The following BACH2 variants were observed in gnomAD, a reference collection of about 807,000 sequenced individuals.
BACH2 encodes the protein transcription regulator protein BACH2.
BACH2 carries 5 observed loss-of-function variants against 61.8 expected under a neutral mutation model. The ratio of observed to expected loss-of-function variants is 0.08; its 90% confidence interval spans 0.04 to 0.17. The LOEUF (loss-of-function observed/expected upper bound fraction) is 0.17, where lower values mean the gene tolerates loss of function less well. Among genes scored for constraint, BACH2 ranks in the 10% least tolerant of loss-of-function variants. The probability of loss-of-function intolerance (pLI) is 1.00; values close to 1 mark genes in which losing one functional copy is unlikely to be tolerated. For missense variants in BACH2, 824 were observed against 1,091.1 expected (o/e 0.76, Z 3.45); for synonymous variants, 446 against 440.1 (o/e 1.01, Z -0.17).
intron 5 of BACH2, among the ~76,000 whole-genome samples, chr6:90,030,136 G>C (rs1451079651): frequency 6.6e-6 from 1 of 152,168 alleles, no homozygotes; most frequent in Non-Finnish European, 1.5e-5. Flanking sequence ...GTGTGCTCTT[G>C]CTTCTAAGAG....
chr6:90,152,496 C>T (rs1784859910), intron 4 of BACH2, among the ~76,000 whole-genome samples: 1 of 152,134 alleles, frequency 6.6e-6, no homozygotes, highest in Non-Finnish European at 1.5e-5. Flanking sequence ...TGGGTAAATT[C>T]CACAGGATGA....
At chr6:90,064,708 A>C (rs1202091866) in intron 5 of BACH2, among the ~76,000 whole-genome samples, 1 of 152,202 alleles carries the variant, frequency 6.6e-6, no homozygotes, top group Non-Finnish European at 1.5e-5. Context: ...TAAACGCTAA[A>C]GATCCTTAAT....
chr6:90,039,531 C>T (rs947635052), intron 5 of BACH2, among the ~76,000 whole-genome samples: 2 of 152,084 alleles, frequency 1.3e-5, no homozygotes, highest in African/African-American at 2.4e-5. Flanking sequence ...ACCACAGGTG[C>T]GTGCTACCAC....
In BACH2 at chr6:90,125,476, C is replaced by A. The variant is rs556230492; in HGVS notation, c.-161-36367G>T. ...TGCCGTCAGGAATGGGGTGAGCTAA[C>A]CACCCTCCCAGGTAGGCAAGAGAAA... On this transcript the variant is annotated intron_variant, in intron 4 of 8. Transcript: ENST00000257749. Among the ~76,000 whole-genome samples the A allele has an allele frequency of 2.0e-5, 3 of 152,304 alleles. 1 individual carries two copies. Among genetic ancestry groups the A allele is most frequent in the Admixed American group, 2.0e-4 (3 of 15,296 alleles).
At chr6:89,933,282 C>T (rs1445008699) in intron 8 of BACH2, among the ~76,000 whole-genome samples, 2 of 152,088 alleles carry the variant, frequency 1.3e-5, no homozygotes, top group African/African-American at 2.4e-5. Flanking sequence ...TATCAGGTTG[C>T]CATTTTTGAA....
chr6:90,053,890 G>A (rs1339039256), intron 5 of BACH2, among the ~76,000 whole-genome samples: 1 of 152,124 alleles, frequency 6.6e-6, no homozygotes, highest in Non-Finnish European at 1.5e-5. Context: ...GGTATAAAAA[G>A]TTGTGAAGGC....
intron 5 of BACH2, among the ~76,000 whole-genome samples, chr6:90,011,589 T>C (rs191330163): frequency 6.6e-6 from 1 of 152,220 alleles, no homozygotes; most frequent in African/African-American, 2.4e-5. Flanking sequence ...GGCATGGCCA[T>C]AGCTCACAGC....
chr6:90,158,587 G>C lies in BACH2; in HGVS notation c.-162+47982C>G, dbSNP rs910426859. ...TGAGACAGGGTTGAACAGGATCAGG[G>C]GCCTGGGCAGGGGCTTCATGATGTG... On this transcript the variant is annotated intron_variant, in intron 4 of 8. Transcript: ENST00000257749. 3.3e-5 allele frequency among the ~76,000 whole-genome samples: 5 copies of C among 151,824 alleles called. No individual in the cohort carries two copies. In the South Asian group the frequency reaches 1.0e-3, roughly 32 times the overall value.
At position 90,027,950 on chromosome 6, in the gene BACH2, T is replaced by C. The variant is rs1374430393; in HGVS notation, c.-12-19094A>G. On this transcript the variant is annotated intron_variant, in intron 5 of 8. Transcript: ENST00000257749. ...TTCTTATATTGAGGCAAATCTGGACTGCATGAAGAATAATGTATATTTTTG... is the reference window on the plus strand; with the variant it reads ...TTCTTATATTGAGGCAAATCTGGACCGCATGAAGAATAATGTATATTTTTG... 3.3e-5 allele frequency among the ~76,000 whole-genome samples: 5 copies of C among 152,362 alleles called. No individual in the cohort carries two copies. The South Asian group carries it at 1.0e-3, about 32-fold the overall frequency.
At chr6:90,293,379 C>T (rs1476590043) in intron 1 of BACH2, among the ~76,000 whole-genome samples, 1 of 152,178 alleles carries the variant, frequency 6.6e-6, no homozygotes, top group Non-Finnish European at 1.5e-5. Context: ...TTTGTTAAGA[C>T]TGGATCCACA....
chr6:90,248,100 C>T (rs925604870), intron 3 of BACH2, among the ~76,000 whole-genome samples: 2 of 152,124 alleles, frequency 1.3e-5, no homozygotes, highest in Admixed American at 1.3e-4. Context: ...TTTGCTATCT[C>T]CCCAAGGTGA....
rs531444288 is a variant in BACH2 at position 90,207,392 on chromosome 6, T to G, written c.-274-711A>C. ...CCTTAGCCTTCCAACATGCTGGGAT[T>G]ATGAGCCACCATACCTGGCCAGTTT... On this transcript the variant is annotated intron_variant, in intron 3 of 8. Coordinates refer to ENST00000257749, the MANE Select transcript of BACH2 (RefSeq NM_021813.4). Among the ~76,000 whole-genome samples the G allele has an allele frequency of 3.9e-5, 6 of 152,342 alleles. No homozygotes were observed. In the South Asian group the frequency reaches 1.2e-3, roughly 32 times the overall value.
intron 3 of BACH2, among the ~76,000 whole-genome samples, chr6:90,251,057 C>T (rs373333064): frequency 7.1e-4 from 108 of 152,178 alleles, no homozygotes; most frequent in African/African-American, 2.5e-3. Context: ...TCTCCTAACT[C>T]CATACAAAAA....
rs143731702 is a variant in BACH2 at position 90,008,875 on chromosome 6, C to CAAAG, written c.-12-23_-12-20dup. 7.9e-5 allele frequency: 127 copies of CAAAG among 1,607,830 alleles called. No individual in the cohort carries two copies. The highest frequency in any genetic ancestry group is 2.3e-4 in the African/African-American group (17 of 74,598). On this transcript the variant is annotated intron_variant, in intron 5 of 8. Transcript: ENST00000257749. This position sits in a 1 kb window ranked among gnomAD's most constrained non-coding sequence, Gnocchi z 4.1. ...TCACACCCTGAAAGAAAGAAAGAAA[C>CAAAG]AAAGAAAGAAAGAAAGAAAGGCTGA...
At chr6:89,984,950 T>C (rs1776156989) in intron 6 of BACH2, among the ~76,000 whole-genome samples, 1 of 152,232 alleles carries the variant, frequency 6.6e-6, no homozygotes, top group Non-Finnish European at 1.5e-5. Context: ...TTTTAGGTTA[T>C]GCTGTACATA....
intron 3 of BACH2, among the ~76,000 whole-genome samples, chr6:90,244,376 T>C (rs1770561657): frequency 6.6e-6 from 1 of 152,210 alleles, no homozygotes; most frequent in African/African-American, 2.4e-5. Flanking sequence ...CTTGAGGTAA[T>C]TACTATTACT....
Position 89,932,608 on chromosome 6 carries a change from G to A in BACH2, c.2326C>T (p.Pro776Ser), listed in dbSNP as rs200671083. The change falls in exon 9 of 9, where the codon CCC (proline) becomes TCC (serine). Residue 776 changes from proline to serine, a missense_variant. By Grantham distance (74) the Pro-to-Ser change is moderately conservative (BLOSUM62 -1). Transcript: ENST00000257749. The part of the protein sequence containing the change: ...VPCCLEPGAA[P>S]PGPPWAPSNT... The stretch of plus-strand genomic sequence containing the variant: ...CTGGGTGCCCAGGGGGGTCCGGGGG[G>A]AGCCGCGCCTGGCTCCAAGCAGCAG... 1.2e-6 allele frequency: 2 copies of A among 1,613,816 alleles called. No homozygotes were observed. Among genetic ancestry groups the A allele is most frequent in the South Asian group, 1.1e-5 (1 of 91,062 alleles).
intron 4 of BACH2, among the ~76,000 whole-genome samples, chr6:90,117,277 C>T (rs1475533935): frequency 1.3e-5 from 2 of 152,070 alleles, no homozygotes; most frequent in Non-Finnish European, 2.9e-5. Context: ...ACTCCTCCTA[C>T]CCTGCTCTCT....
In BACH2 at chr6:89,951,971, A is replaced by C; in HGVS notation, c.244-109T>G. ...ACAGTGCTAATGTCCCAGAATAAAG[A>C]CTGCAAAGGGGCAGTTAATCTTGTA... On this transcript the variant is annotated intron_variant, in intron 6 of 8. Coordinates refer to ENST00000257749, the MANE Select transcript of BACH2 (RefSeq NM_021813.4). This position sits in a 1 kb window ranked among gnomAD's most constrained non-coding sequence, Gnocchi z 6.4. 1 of 1,301,072 alleles carries C rather than the reference A, an allele frequency of 7.7e-7. No individual in the cohort carries two copies. The highest frequency in any genetic ancestry group is 1.1e-6 in the Non-Finnish European group (1 of 947,076). 80.6% of individuals were successfully genotyped at this position (1,301,072 alleles called of 1,614,324 possible). A position where few individuals can be genotyped will look rare whatever the true frequency, so the allele number is the denominator to read the frequency against.
Sources: allele counts gnomAD v4.1 joint callset (sites outside exome capture counted in the v4.1 genomes callset), GRCh38; gene constraint gnomAD v4.1.1; non-coding constraint Gnocchi (gnomAD v3.1); transcripts MANE v1.5; gene names NCBI Gene and HGNC (gene_info 2026-07-23, HGNC 2026-07-21).